CD96: variants seen among roughly 807,000 people sequenced by gnomAD.
The protein encoded by CD96 is T-cell surface protein tactile.
Under a neutral mutation model 71.3 loss-of-function variants are expected in CD96, and 70 were observed. That is an observed-to-expected ratio of 0.98 (90% CI 0.81 to 1.20). The LOEUF (loss-of-function observed/expected upper bound fraction) is 1.20, where lower values mean the gene tolerates loss of function less well. Among genes scored for constraint, CD96 ranks in the 50% most tolerant of loss-of-function variants. The probability of loss-of-function intolerance (pLI) is 0.00; values close to 1 mark genes in which losing one functional copy is unlikely to be tolerated. For missense variants in CD96, 742 were observed against 677.5 expected (o/e 1.10, Z -1.06); for synonymous variants, 248 against 233.0 (o/e 1.06, Z -0.59).
At position 111,647,595 on chromosome 3, in the gene CD96, A is replaced by G; in HGVS notation, c.1530A>G (p.Ala510=). 2 of 1,611,796 alleles carry G rather than the reference A, an allele frequency of 1.2e-6. No individual in the cohort carries two copies. The highest frequency in any genetic ancestry group is 1.7e-6 in the Non-Finnish European group (2 of 1,177,932). The change falls in exon 13 of 14, where the codon GCA becomes GCG. Residue 510 remains alanine, a synonymous_variant. Coordinates refer to ENST00000352690, the MANE Select transcript of CD96 (RefSeq NM_005816.5). ...KDGMSWPVIV[A]ALLFCCMILF... is the part of the protein sequence containing the mutation. ...GAATGTCCTGGCCAGTGATTGTAGC[A>G]GCTTTACTCTTTTGCTGCATGATAT... is the stretch of plus-strand genomic sequence containing the variant.
At position 111,545,342 on chromosome 3, in the gene CD96, C is replaced by T. The variant is rs966155271; in HGVS notation, c.358C>T (p.Leu120Phe). 2.5e-6 allele frequency: 4 copies of T among 1,613,966 alleles called. No individual in the cohort carries two copies. The highest frequency in any genetic ancestry group is 1.7e-4 in the Middle Eastern group (1 of 6,060). The stretch of plus-strand genomic sequence containing the variant: ...AGTCAGTGGAAGGTACGAGTGTATG[C>T]TTGTTCTGTATCCAGAGGGCATTCA... ...CSVSGRYECM[L>F]VLYPEGIQTK... The change falls in exon 2 of 14, where the codon CTT (leucine) becomes TTT (phenylalanine). Residue 120 changes from leucine (L) to phenylalanine (F), a missense_variant. Physicochemically the swap from Leu to Phe is conservative, Grantham distance 22. Transcript: ENST00000352690.
intron 12 of CD96, among the ~76,000 whole-genome samples, chr3:111,644,299 T>C (rs1330125270): frequency 1.3e-5 from 2 of 152,098 alleles, no homozygotes; most frequent in Non-Finnish European, 2.9e-5. Context: ...CCTCATCTTA[T>C]ACAAAAATCA....
intron 2 of CD96, among the ~76,000 whole-genome samples, chr3:111,548,243 T>C (rs1934514243): frequency 6.6e-6 from 1 of 152,226 alleles, no homozygotes; most frequent in Non-Finnish European, 1.5e-5. Context: ...TTTCTGTTGC[T>C]GTTTGAGTCA....
intron 10 of CD96, chr3:111,633,876 T>C (rs1939195415): frequency 6.6e-6 from 1 of 152,580 alleles, no homozygotes; most frequent in Non-Finnish European, 1.5e-5. Context: ...TATACTGTTG[T>C]TCAAGGACAA....
downstream of CD96, among the ~76,000 whole-genome samples, chr3:111,657,267 A>C (rs758865120): frequency 1.2e-4 from 19 of 152,082 alleles, no homozygotes; most frequent in African/African-American, 1.9e-4. Context: ...AAAATACAAA[A>C]ATTAGCCAGG....
chr3:111,602,333 C>A (rs1001543252), intron 7 of CD96, among the ~76,000 whole-genome samples: 3 of 151,848 alleles, frequency 2.0e-5, no homozygotes, highest in Non-Finnish European at 4.4e-5. Flanking sequence ...ATAATGAATA[C>A]CTTTTTAGGT....
rs562944927 is a variant in CD96, at chr3:111,599,132, C to G, written c.898+922C>G. ...TACAGGCGCCCGCCACTACGCCCGG[C>G]TAATTTTTTGTATTTTTAGATGAGT... On this transcript the variant is annotated intron_variant, in intron 6 of 13. Transcript: ENST00000352690. 3.3e-5 allele frequency among the ~76,000 whole-genome samples: 5 copies of G among 152,038 alleles called. No individual in the cohort carries two copies. The East Asian group carries it at 9.7e-4, about 30-fold the overall frequency.
intron 14 of CD96, among the ~76,000 whole-genome samples, chr3:111,657,377 T>A (rs1940255774): frequency 6.6e-6 from 1 of 151,100 alleles, no homozygotes; most frequent in South Asian, 2.1e-4. Context: ...ATCACACCGC[T>A]GCACTCCAGA....
At chr3:111,606,270 A>G (rs1937621533) in intron 7 of CD96, among the ~76,000 whole-genome samples, 2 of 152,222 alleles carry the variant, frequency 1.3e-5, no homozygotes, top group East Asian at 3.8e-4. Flanking sequence ...TCTTGCTGAT[A>G]TAAAAATTTT....
intron 8 of CD96, among the ~76,000 whole-genome samples, chr3:111,611,818 A>T (rs1218888804): frequency 1.3e-5 from 2 of 152,160 alleles, no homozygotes; most frequent in Non-Finnish European, 2.9e-5. Context: ...GAGTTCTGAC[A>T]TTGCTTGTTG....
intron 10 of CD96, among the ~76,000 whole-genome samples, chr3:111,635,388 T>C (rs1378916739): frequency 6.6e-6 from 1 of 152,242 alleles, no homozygotes; most frequent in Non-Finnish European, 1.5e-5. Context: ...AAGTGGCTTA[T>C]GTTTTTTAAT....
rs1051690502 is a variant in CD96 at position 111,619,264 on chromosome 3, T to G, written c.1181-4490T>G. ...CCAGTGATAGCATAAAAGGGTGGGT[T>G]TTTTTTTATTTTAGTGAGAAAATTT... On this transcript the variant is annotated intron_variant, in intron 8 of 13. Coordinates refer to ENST00000352690, the MANE Select transcript of CD96 (RefSeq NM_005816.5). 0.017 allele frequency among the ~76,000 whole-genome samples: 30 copies of G among 1,768 alleles called. No individual in the cohort carries two copies. In the East Asian group the frequency reaches 0.2, roughly 12 times the overall value. The allele number at this position is 1,768 out of a possible 152,430, so 1.2% of individuals were successfully genotyped here. A position where few individuals can be genotyped will look rare whatever the true frequency, so the allele number is the denominator to read the frequency against.
chr3:111,568,526 A>G (rs1423086781), intron 3 of CD96, among the ~76,000 whole-genome samples: 1 of 152,212 alleles, frequency 6.6e-6, no homozygotes, highest in Non-Finnish European at 1.5e-5. Flanking sequence ...TCTCCTTGAA[A>G]TACTGCAGAG....
rs1049987651 is a variant in CD96 at position 111,657,842 on chromosome 3, A to G, written c.*53-7685A>G. ...AAGGTTAGTGTCCTTCCCAAGCATC[A>G]CATCTGGAGACCCATGATGTCCACC... On this transcript the variant is annotated intron_variant and NMD_transcript_variant, in intron 14 of 14. Transcript: ENST00000494798. Among the ~76,000 whole-genome samples, 22 of 152,154 alleles carry G rather than the reference A, an allele frequency of 1.4e-4. 1 individual carries two copies. The highest frequency in any genetic ancestry group is 5.3e-4 in the African/African-American group (22 of 41,432).
At chr3:111,616,313 AAAG>A (rs1240850105) in intron 8 of CD96, among the ~76,000 whole-genome samples, 6 of 152,222 alleles carry the variant, frequency 3.9e-5, no homozygotes, top group Non-Finnish European at 7.3e-5. Context: ...TAAGTATAAA[AAAG>A]AAGAGATTAA....
rs535580111 is a variant in CD96 at position 111,624,729 on chromosome 3, C to T, written c.1321+325C>T. On this transcript the variant is annotated intron_variant, in intron 10 of 13. Coordinates refer to ENST00000352690, the MANE Select transcript of CD96 (RefSeq NM_005816.5). ...TGAAAGGTCTTACTGAGGAAGGTGA[C>T]ATCTGAGCAATGCTATAACCAGTCA... Among the ~76,000 whole-genome samples, 17 of 152,220 alleles carry T rather than the reference C, an allele frequency of 1.1e-4. No individual in the cohort carries two copies. The South Asian group carries it at 3.3e-3, about 30-fold the overall frequency.
chr3:111,624,548 A>C lies in CD96; in HGVS notation c.1321+144A>C, dbSNP rs182644262. ...TCTATCATGTTTAAAGTATTGTTGT[A>C]GATTCTGAGACTACACCCATGGACA... On this transcript the variant is annotated intron_variant, in intron 10 of 13. Transcript: ENST00000352690. 4 of 669,594 alleles carry C rather than the reference A, an allele frequency of 6.0e-6. No homozygotes were observed. In the African/African-American group the frequency reaches 7.2e-5, roughly 12 times the overall value. 41.5% of individuals were successfully genotyped at this position (669,594 alleles called of 1,614,324 possible). A position where few individuals can be genotyped will look rare whatever the true frequency, so the allele number is the denominator to read the frequency against.
intron 4 of CD96, 166 bp downstream of exon 4, chr3:111,579,400 G>A (rs1376188442): frequency 1.3e-5 from 9 of 690,820 alleles, no homozygotes; most frequent in African/African-American, 5.3e-5. Flanking sequence ...GGGGGATGAG[G>A]GTAGGATGCT....
At chr3:111,553,983 C>A (rs1934857640) in intron 2 of CD96, among the ~76,000 whole-genome samples, 1 of 151,836 alleles carries the variant, frequency 6.6e-6, no homozygotes, top group Non-Finnish European at 1.5e-5. Context: ...TAAATAAAAT[C>A]TATTACTCTT....
Sources: allele counts gnomAD v4.1 joint callset (sites outside exome capture counted in the v4.1 genomes callset), GRCh38; gene constraint gnomAD v4.1.1; transcripts MANE v1.5; gene names NCBI Gene and HGNC (gene_info 2026-07-23, HGNC 2026-07-21).